Variants in DACH2 observed in about 807,000 individuals in gnomAD.
DACH2 encodes dachshund family transcription factor 2.
Under a neutral mutation model 35.8 loss-of-function variants are expected in DACH2, and 17 were observed. That is an observed-to-expected ratio of 0.48 (90% CI 0.33 to 0.71). The LOEUF (loss-of-function observed/expected upper bound fraction) is 0.71. DACH2 is among the 30% of genes least tolerant of loss of function. The pLI is 0.02. For missense variants in DACH2, 469 were observed against 472.7 expected, an observed-to-expected ratio of 0.99 and a Z score of 0.07; for synonymous variants, 195 against 177.3, an observed-to-expected ratio of 1.10 and a Z score of -0.79.
At chrX:86,829,941 G>A (rs778787870) in intron 11 of DACH2, 1 of 110,927 alleles carries the variant, frequency 9.0e-6, no homozygotes, top group Non-Finnish European at 1.9e-5. Context: ...TAATCTTATT[G>A]ACATCCAGAG....
At chrX:86,231,131 T>G (rs752233733) in intron 1 of DACH2, among the ~76,000 whole-genome samples, 33 of 112,379 alleles carry the variant, frequency 2.9e-4, no homozygotes, top group Non-Finnish European at 5.6e-4. Flanking sequence ...GGCTATGAAC[T>G]TTCCTCTTAG....
At chrX:86,297,043 G>GTATATATATATATATA (rs35078642) in intron 1 of DACH2, among the ~76,000 whole-genome samples, 120 of 89,871 alleles carry the variant, frequency 1.3e-3, no homozygotes, top group African/African-American at 4.6e-3. Flanking sequence ...ATATAATTGT[G>GTATATATATATATATA]TATATATATA....
chrX:86,589,061 T>C (rs1391497319), intron 3 of DACH2, among the ~76,000 whole-genome samples: 1 of 111,976 alleles, frequency 8.9e-6, no homozygotes, highest in Non-Finnish European at 1.9e-5. Context: ...GTTGAGAGTA[T>C]TTATCATGAA....
rs1407572037 is a variant in DACH2, at chrX:86,373,561, A to C, written c.489-3263A>C. On this transcript the variant is annotated intron_variant, in intron 1 of 11. Coordinates refer to ENST00000373125, the MANE Select transcript of DACH2 (RefSeq NM_053281.3). ...TAAAAATGTAGGGGCAGTAGCTGTC[A>C]TTCAGGTCGGTATATTGGGTGATCT... Among the ~76,000 whole-genome samples the C allele has an allele frequency of 3.6e-5, 4 of 111,074 alleles. No homozygotes were observed. In the East Asian group the frequency reaches 1.2e-3, roughly 32 times the overall value.
chrX:86,752,532 A>T (rs2041785441), intron 7 of DACH2, among the ~76,000 whole-genome samples: 1 of 112,051 alleles, frequency 8.9e-6, no homozygotes, highest in Admixed American at 9.5e-5. Context: ...ATCACTATGT[A>T]ATGCTATTAT....
chrX:86,507,485 A>C (rs996122835), intron 2 of DACH2, among the ~76,000 whole-genome samples: 2 of 103,225 alleles, frequency 1.9e-5, no homozygotes, highest in African/African-American at 7.1e-5. Context: ...AAAAAAAAAA[A>C]ACCAGCGGCA....
chrX:86,786,863 G>C (rs1347623885), intron 7 of DACH2, among the ~76,000 whole-genome samples: 3 of 111,999 alleles, frequency 2.7e-5, no homozygotes, highest in African/African-American at 9.7e-5. Context: ...TGTATTGTGA[G>C]AGTGACCCAG....
intron 3 of DACH2, among the ~76,000 whole-genome samples, chrX:86,629,916 CAACA>C (rs1471125698): frequency 9.0e-6 from 1 of 110,723 alleles, no homozygotes; most frequent in Non-Finnish European, 1.9e-5. Context: ...AATAAATTAC[CAACA>C]GACAAGTATA....
chrX:86,765,713 T>G (rs1602918824), intron 7 of DACH2, among the ~76,000 whole-genome samples: 2 of 98,183 alleles, frequency 2.0e-5, no homozygotes, highest in African/African-American at 3.7e-5. Context: ...TTTTTTTTTT[T>G]TTTTTTTTTT....
At chrX:86,451,395 C>G (rs187895288) in intron 2 of DACH2, among the ~76,000 whole-genome samples, 4 of 111,168 alleles carry the variant, frequency 3.6e-5, no homozygotes, top group African/African-American at 1.3e-4. Flanking sequence ...TCTGAGTTCT[C>G]TATTCTGTTC....
In DACH2 at chrX:86,289,178, T is replaced by C. The variant is rs2034216597; in HGVS notation, c.489-87646T>C. 1.1e-4 allele frequency among the ~76,000 whole-genome samples: 12 copies of C among 108,511 alleles called. No individual in the cohort carries two copies. The South Asian group carries it at 4.1e-3, about 37-fold the overall frequency. 94.2% of individuals were successfully genotyped at this position (108,511 alleles called of 115,157 possible). A position where few individuals can be genotyped will look rare whatever the true frequency, so the allele number is the denominator to read the frequency against. The stretch of plus-strand genomic sequence containing the variant: ...CCCAGGATGGGTCCAGAAATGTTGC[T>C]CAGGAGGAAGGTCCTGGAAAGGGTG... On this transcript the variant is annotated intron_variant, in intron 1 of 11. Coordinates refer to ENST00000373125, the MANE Select transcript of DACH2 (RefSeq NM_053281.3).
chrX:86,796,198 G>C (rs1490047407), intron 7 of DACH2, among the ~76,000 whole-genome samples: 1 of 111,478 alleles, frequency 9.0e-6, no homozygotes, highest in Non-Finnish European at 1.9e-5. Context: ...CCTTTAGCTA[G>C]ACCCAGAGCG....
intron 1 of DACH2, among the ~76,000 whole-genome samples, chrX:86,262,276 A>C (rs1341989300): frequency 9.0e-6 from 1 of 111,484 alleles, no homozygotes; most frequent in African/African-American, 3.3e-5. Context: ...CAATAGAGGG[A>C]GACCCTGTCT....
Position 86,148,470 on chromosome X carries a change from C to A in DACH2, c.-151C>A. 1.6e-6 allele frequency: 1 copy of A among 627,631 alleles called. No individual in the cohort carries two copies. Among genetic ancestry groups the A allele is most frequent in the Non-Finnish European group, 2.4e-6 (1 of 422,663 alleles). The allele number at this position is 627,631 out of a possible 1,213,427, so 51.7% of individuals were successfully genotyped here. A position where few individuals can be genotyped will look rare whatever the true frequency, so the allele number is the denominator to read the frequency against. On this transcript the variant is annotated 5_prime_UTR_variant, in exon 1 of 12. Coordinates refer to ENST00000373125, the MANE Select transcript of DACH2 (RefSeq NM_053281.3). ...CTGCTCACTGTTTGTTGAGCTTGAGCGTGAGCCGGCTGCTGAAGACTTGCG... is the reference window on the plus strand; with the variant it reads ...CTGCTCACTGTTTGTTGAGCTTGAGAGTGAGCCGGCTGCTGAAGACTTGCG...
chrX:86,563,769 T>C (rs192431511), intron 3 of DACH2, among the ~76,000 whole-genome samples: 1 of 110,794 alleles, frequency 9.0e-6, no homozygotes, highest in Admixed American at 9.7e-5. Flanking sequence ...CTATCTCCCA[T>C]GTCTCTCCTA....
intron 11 of DACH2, among the ~76,000 whole-genome samples, chrX:86,819,252 C>G (rs1041317131): frequency 9.1e-6 from 1 of 110,089 alleles, no homozygotes; most frequent in Admixed American, 9.8e-5. Context: ...ATATACTACT[C>G]CAATGGTTAT....
intron 1 of DACH2, among the ~76,000 whole-genome samples, chrX:86,364,916 G>A (rs1445277881): frequency 1.8e-5 from 2 of 111,234 alleles, no homozygotes; most frequent in Admixed American, 9.6e-5. Context: ...TGTTATTTTA[G>A]AAGAGAGTTA....
At chrX:86,450,399 G>GT (rs1052712240) in intron 2 of DACH2, among the ~76,000 whole-genome samples, 39 of 110,077 alleles carry the variant, frequency 3.5e-4, no homozygotes, top group African/African-American at 5.9e-4. Context: ...AAAAGGACAT[G>GT]TTTTTTTTCT....
At chrX:86,334,035 C>T (rs2035258912) in intron 1 of DACH2, among the ~76,000 whole-genome samples, 1 of 111,711 alleles carries the variant, frequency 9.0e-6, no homozygotes, top group Non-Finnish European at 1.9e-5. Flanking sequence ...TGTTAGTTTG[C>T]TGAGAATGAT....
Sources: allele counts gnomAD v4.1 joint callset (sites outside exome capture counted in the v4.1 genomes callset), GRCh38; gene constraint gnomAD v4.1.1; transcripts MANE v1.5; gene names NCBI Gene and HGNC (gene_info 2026-07-23, HGNC 2026-07-21).